The following DAAM1 variants were observed in gnomAD, a reference collection of about 807,000 sequenced individuals.
DAAM1 encodes disheveled-associated activator of morphogenesis 1.
DAAM1 carries 52 observed loss-of-function variants against 130.0 expected under a neutral mutation model. The observed-to-expected ratio is 0.40, with a 90% CI of 0.32 to 0.50. The LOEUF (loss-of-function observed/expected upper bound fraction) is 0.50, where lower values mean the gene tolerates loss of function less well. DAAM1 is among the 20% of genes least tolerant of loss of function. The pLI, the probability that DAAM1 is intolerant of heterozygous loss-of-function variation, is 0.61. For synonymous variants in DAAM1, 452 were observed against 444.5 expected (o/e 1.02, Z -0.21); for missense variants, 1,134 against 1,303.8 (o/e 0.87, Z 2.01).
chr14:59,291,148 A>T (rs1883724292), intron 2 of DAAM1, 69 bp from the exon 3 acceptor site: 1 of 1,265,928 alleles, frequency 7.9e-7, no homozygotes, highest in Non-Finnish European at 1.1e-6. Flanking sequence ...TTCCTTGATG[A>T]TACTGATAAC....
intron 3 of DAAM1, among the ~76,000 whole-genome samples, chr14:59,296,990 C>T (rs1054149684): frequency 5.3e-5 from 8 of 152,162 alleles, no homozygotes; most frequent in Admixed American, 3.3e-4. Flanking sequence ...GATGGAAACT[C>T]CAACACTGGC....
chr14:59,302,094 C>T (rs562737678), intron 3 of DAAM1, among the ~76,000 whole-genome samples: 1 of 152,256 alleles, frequency 6.6e-6, no homozygotes, highest in South Asian at 2.1e-4. Context: ...GAAAGATGAA[C>T]AGGTAGATAT....
chr14:59,278,373 T>C (rs958271932), intron 2 of DAAM1, among the ~76,000 whole-genome samples: 2 of 152,186 alleles, frequency 1.3e-5, no homozygotes, highest in African/African-American at 2.4e-5. Context: ...CTGAATATGC[T>C]GGACAAAGGG....
intron 1 of DAAM1, among the ~76,000 whole-genome samples, chr14:59,244,706 T>C (rs910005219): frequency 1.3e-5 from 2 of 152,166 alleles, no homozygotes; most frequent in Non-Finnish European, 1.5e-5. Context: ...GTTTGACAGC[T>C]GTGTGAATGT....
intron 1 of DAAM1, among the ~76,000 whole-genome samples, chr14:59,261,281 A>G (rs1002799844): frequency 6.6e-6 from 1 of 152,170 alleles, no homozygotes; most frequent in Non-Finnish European, 1.5e-5. Context: ...ACTTACTGGC[A>G]TATTACCTTT....
chr14:59,302,310 C>T (rs1251532245), intron 3 of DAAM1, among the ~76,000 whole-genome samples: 1 of 152,078 alleles, frequency 6.6e-6, no homozygotes, highest in Non-Finnish European at 1.5e-5. Flanking sequence ...ACTTGTAATC[C>T]AACAATAACA....
intron 2 of DAAM1, among the ~76,000 whole-genome samples, chr14:59,274,827 A>G (rs1882887421): frequency 1.3e-5 from 2 of 152,186 alleles, no homozygotes; most frequent in African/African-American, 2.4e-5. Flanking sequence ...TCTCATTAAA[A>G]TGTTAGTTAC....
intron 2 of DAAM1, among the ~76,000 whole-genome samples, chr14:59,279,541 C>G (rs1166014613): frequency 6.6e-6 from 1 of 152,136 alleles, no homozygotes; most frequent in Non-Finnish European, 1.5e-5. Context: ...AACAATCCAG[C>G]TGTTTTGTAA....
intron 1 of DAAM1, among the ~76,000 whole-genome samples, chr14:59,202,003 C>T (rs528787368): frequency 6.6e-6 from 1 of 152,270 alleles, no homozygotes; most frequent in East Asian, 1.9e-4. Context: ...GTAGATGAAT[C>T]AATTTACATT....
At chr14:59,189,890 C>T (rs749068787) in intron 1 of DAAM1, among the ~76,000 whole-genome samples, 8 of 152,186 alleles carry the variant, frequency 5.3e-5, no homozygotes, top group Non-Finnish European at 1.2e-4. Flanking sequence ...GATGCCTGAA[C>T]TCCATTCCCC....
In DAAM1 at chr14:59,359,522, G is replaced by GTGTT. The variant is rs759894977; in HGVS notation, c.2633+19_2633+22dup. 3.8e-6 allele frequency: 6 copies of GTGTT among 1,578,512 alleles called. No homozygotes were observed. In the East Asian group the frequency reaches 6.7e-5, roughly 18 times the overall value. On this transcript the variant is annotated intron_variant, in intron 21 of 24. Transcript: ENST00000360909. Reference sequence around the variant, plus strand: ...AAAGTAAAGTAAGTACTTACAGTGAGTGTTAGTTTCTTAAATCACTTGGAT... The same window carrying GTGTT: ...AAAGTAAAGTAAGTACTTACAGTGAGTGTTTGTTAGTTTCTTAAATCACTTGGAT...
At chr14:59,192,714 A>G (rs1235977444) in intron 1 of DAAM1, among the ~76,000 whole-genome samples, 3 of 152,236 alleles carry the variant, frequency 2.0e-5, no homozygotes, top group Non-Finnish European at 4.4e-5. Context: ...TTCTAAGTGA[A>G]TACCAATCTT....
At chr14:59,203,575 G>A (rs775751291) in intron 1 of DAAM1, among the ~76,000 whole-genome samples, 22 of 152,146 alleles carry the variant, frequency 1.4e-4, no homozygotes, top group Non-Finnish European at 2.1e-4. Context: ...CATGCACAAA[G>A]GATAGATGTG....
chr14:59,251,258 G>A (rs1038326710), intron 1 of DAAM1, among the ~76,000 whole-genome samples: 4 of 152,146 alleles, frequency 2.6e-5, no homozygotes, highest in Non-Finnish European at 5.9e-5. Flanking sequence ...CAAATTCTTA[G>A]ATATGCAATC....
chr14:59,243,650 A>C (rs1253015), intron 1 of DAAM1, among the ~76,000 whole-genome samples: 20,980 of 152,212 alleles, frequency 0.14, 1,635 homozygotes, highest in Middle Eastern at 0.19. Flanking sequence ...CTCTTTCTGC[A>C]CAACAGCCTG....
chr14:59,368,062 G>A (rs1231895909), intron 24 of DAAM1, among the ~76,000 whole-genome samples: 1 of 151,958 alleles, frequency 6.6e-6, no homozygotes, highest in Non-Finnish European at 1.5e-5. Flanking sequence ...TGTTTTTTAA[G>A]GTGTGTTAAT....
At chr14:59,327,914 C>A (rs1323282573) in intron 12 of DAAM1, among the ~76,000 whole-genome samples, 1 of 152,130 alleles carries the variant, frequency 6.6e-6, no homozygotes, top group Non-Finnish European at 1.5e-5. Flanking sequence ...ATCAGTGTAC[C>A]AGCCATACAG....
chr14:59,261,172 G>A (rs1416009897), intron 1 of DAAM1, among the ~76,000 whole-genome samples: 1 of 152,028 alleles, frequency 6.6e-6, no homozygotes, highest in Non-Finnish European at 1.5e-5. Context: ...GCCTTTGCTT[G>A]TACTGTTCCC....
At chr14:59,193,359 T>A (rs1264260772) in intron 1 of DAAM1, among the ~76,000 whole-genome samples, 1 of 152,216 alleles carries the variant, frequency 6.6e-6, no homozygotes, top group Non-Finnish European at 1.5e-5. Context: ...ACCTTGTTTG[T>A]AGCCCCACTG....
Sources: allele counts gnomAD v4.1 joint callset (sites outside exome capture counted in the v4.1 genomes callset), GRCh38; gene constraint gnomAD v4.1.1; transcripts MANE v1.5; gene names NCBI Gene and HGNC (gene_info 2026-07-23, HGNC 2026-07-21).